Variants in SLC30A10 observed in about 807,000 individuals in gnomAD.
SLC30A10 encodes the protein solute carrier family 30 member 10.
Under a neutral mutation model 21.7 loss-of-function variants are expected in SLC30A10, and 8 were observed. The observed-to-expected ratio is 0.37, with a 90% CI of 0.22 to 0.67. The LOEUF (loss-of-function observed/expected upper bound fraction) is 0.67. Ranked by LOEUF, SLC30A10 falls within the 30% of genes least tolerant of loss-of-function variation. SLC30A10 has a pLI of 0.58. For synonymous variants in SLC30A10, 272 were observed against 279.4 expected (o/e 0.97, Z 0.26); for missense variants, 521 against 642.5 (o/e 0.81, Z 2.04).
At chr1:219,922,810 G>A (rs1358620949) in intron 2 of SLC30A10, among the ~76,000 whole-genome samples, 1 of 152,138 alleles carries the variant, frequency 6.6e-6, no homozygotes, top group Non-Finnish European at 1.5e-5. Flanking sequence ...AACCACCCAT[G>A]TGATCCGCAC....
At chr1:219,916,242 A>T (rs994039899) in intron 3 of SLC30A10, among the ~76,000 whole-genome samples, 2 of 152,238 alleles carry the variant, frequency 1.3e-5, no homozygotes, top group Admixed American at 1.3e-4. Context: ...AACTTCCCAT[A>T]GTAGGATAAA....
intron 1 of SLC30A10, among the ~76,000 whole-genome samples, chr1:219,938,386 C>T (rs1184971473): frequency 6.6e-6 from 1 of 152,208 alleles, no homozygotes. Flanking sequence ...CCTGACTTTT[C>T]CCAGAGGCAG....
At position 219,925,781 on chromosome 1, in the gene SLC30A10, G is replaced by T. The variant is rs951013394; in HGVS notation, c.718+1247C>A. 4.2e-5 allele frequency among the ~76,000 whole-genome samples: 6 copies of T among 144,358 alleles called. No homozygotes were observed. The Admixed American group carries it at 4.2e-4, about 10-fold the overall frequency. The allele number at this position is 144,358 out of a possible 152,430, so 94.7% of individuals were successfully genotyped here. A position where few individuals can be genotyped will look rare whatever the true frequency, so the allele number is the denominator to read the frequency against. On this transcript the variant is annotated intron_variant, in intron 2 of 3. Transcript: ENST00000366926. ...AGCAATTCTCCTGCCTCAGCCTCCC[G>T]AGTAGCTGGGATTACAGGCACCCAC... is the stretch of plus-strand genomic sequence containing the variant.
upstream of SLC30A10, among the ~76,000 whole-genome samples, chr1:219,959,042 C>A (rs1660388816): frequency 3.9e-5 from 6 of 152,168 alleles, no homozygotes; most frequent in Admixed American, 3.9e-4. Context: ...CCTGGCAGTT[C>A]CTCTCCCTTT....
chr1:219,948,078 A>G, intron 1 of SLC30A10, among the ~76,000 whole-genome samples: 1 of 151,582 alleles, frequency 6.6e-6, no homozygotes, highest in Non-Finnish European at 1.5e-5. Flanking sequence ...CTCTTCAAGG[A>G]GAACTACAAA....
intron 2 of SLC30A10, among the ~76,000 whole-genome samples, chr1:219,922,480 G>C (rs1659720844): frequency 6.6e-6 from 1 of 151,964 alleles, no homozygotes; most frequent in South Asian, 2.1e-4. Context: ...ATTTCAGACA[G>C]AAACACCTCA....
rs1281372296 is a variant in SLC30A10, at chr1:219,927,955, A to G, written c.486T>C (p.Cys162=). The G allele has an allele frequency of 6.5e-7, 1 of 1,544,450 alleles. No homozygotes were observed. Among genetic ancestry groups the G allele is most frequent in the Non-Finnish European group, 8.7e-7 (1 of 1,144,734 alleles). ...GAGGCCCCCCGAAAGCGCCGGGGAC[A>G]CAGCCCTCCGCCAGCTGCTGCCGCT... ...LQQRQQLAEG[C]VPGAFGGPQG... Residue 162 remains cysteine, a synonymous_variant, in exon 1 of 4, where the codon TGT becomes TGC. Transcript: ENST00000366926.
At chr1:219,954,002 G>A (rs1016784204) in intron 1 of SLC30A10, among the ~76,000 whole-genome samples, 5 of 151,862 alleles carry the variant, frequency 3.3e-5, no homozygotes, top group African/African-American at 7.3e-5. Flanking sequence ...CACCGCGCCC[G>A]GCCTCAAATT....
In SLC30A10 at chr1:219,918,551, T is replaced by TA; in HGVS notation, c.719-58_719-57insT. 2.0e-6 allele frequency: 3 copies of TA among 1,521,488 alleles called. No individual in the cohort carries two copies. The highest frequency in any genetic ancestry group is 1.3e-5 in the South Asian group (1 of 75,952). 94.2% of individuals were successfully genotyped at this position (1,521,488 alleles called of 1,614,324 possible). A position where few individuals can be genotyped will look rare whatever the true frequency, so the allele number is the denominator to read the frequency against. On this transcript the variant is annotated intron_variant, in intron 2 of 3. Coordinates refer to ENST00000366926, the MANE Select transcript of SLC30A10 (RefSeq NM_018713.3). The surrounding 1 kb of genome is among the most constrained non-coding windows in gnomAD (Gnocchi z 4.4). ...TGCAAATCTGGAAGCCACGTGACAC[T>TA]CACTGACTTGGGTGTCCGGGTATAT...
chr1:219,941,468 T>A (rs767263969), intron 1 of SLC30A10, among the ~76,000 whole-genome samples: 20 of 151,458 alleles, frequency 1.3e-4, no homozygotes, highest in Non-Finnish European at 2.8e-4. Context: ...GGAAATGGAA[T>A]TAAGGACCTT....
intron 1 of SLC30A10, among the ~76,000 whole-genome samples, chr1:219,949,567 T>G (rs1352369132): frequency 2.6e-5 from 4 of 151,822 alleles, no homozygotes; most frequent in Non-Finnish European, 4.4e-5. Flanking sequence ...TGAGAATACA[T>G]GGACACAGGA....
At chr1:219,929,554 G>C (rs1776025), upstream of SLC30A10, among the ~76,000 whole-genome samples, 9,094 of 150,560 alleles carry the variant, frequency 0.06, 909 homozygotes, top group African/African-American at 0.21. Flanking sequence ...GAGTTTCGTT[G>C]TTGTTGCCCA....
intron 2 of SLC30A10, among the ~76,000 whole-genome samples, chr1:219,925,653 T>TATATATATATA (rs1558253395): frequency 2.2e-3 from 101 of 46,086 alleles, no homozygotes; most frequent in South Asian, 8.3e-3. Context: ...ATATATATAT[T>TATATATATATA]TTTTTTTTTT....
rs192873229 is a variant in SLC30A10, at chr1:219,958,106, A to G, written n.80+462T>C. Among the ~76,000 whole-genome samples, 48 of 152,308 alleles carry G rather than the reference A, an allele frequency of 3.2e-4. No homozygotes were observed. The East Asian group carries it at 8.9e-3, about 28-fold the overall frequency. On this transcript the variant is annotated intron_variant and non_coding_transcript_variant, in intron 1 of 8. Coordinates refer to the SLC30A10 transcript ENST00000484239. ...TAATCAGCGTACCTGATTGTCTGAT[A>G]CTGTGCTCTTTGTAAGTTGGTTATG...
Position 219,915,448 on chromosome 1 carries a change from AT to A in SLC30A10, c.1458del (p.Ter486TyrfsTer6). 6.2e-7 allele frequency: 1 copy of A among 1,612,148 alleles called. No homozygotes were observed. Among genetic ancestry groups the A allele is most frequent in the Non-Finnish European group, 8.5e-7 (1 of 1,178,964 alleles). ...DQCYVNRTHF[*>X] is the part of the protein sequence containing the mutation. ...TATGGTCTGATTATGTGAGTACCAG[AT>A]TAAAAATGCGTTCTGTTGACATAAC... On this transcript the variant is annotated frameshift_variant and stop_lost, in exon 4 of 4. Coordinates refer to ENST00000366926, the MANE Select transcript of SLC30A10 (RefSeq NM_018713.3). LOFTEE classifies it high-confidence loss of function.
At chr1:219,940,148 G>T (rs1396999914) in intron 1 of SLC30A10, among the ~76,000 whole-genome samples, 1 of 152,158 alleles carries the variant, frequency 6.6e-6, no homozygotes, top group Non-Finnish European at 1.5e-5. Context: ...AGGCAATGGA[G>T]CTTCTACCTT....
chr1:219,928,529 C>T lies in SLC30A10; in HGVS notation c.-89G>A. 3.2e-6 allele frequency: 4 copies of T among 1,232,970 alleles called. No homozygotes were observed. Among genetic ancestry groups the T allele is most frequent in the Non-Finnish European group, 4.2e-6 (4 of 944,734 alleles). The allele number at this position is 1,232,970 out of a possible 1,614,324, so 76.4% of individuals were successfully genotyped here. On this transcript the variant is annotated 5_prime_UTR_variant, in exon 1 of 4. Coordinates refer to ENST00000366926, the MANE Select transcript of SLC30A10 (RefSeq NM_018713.3). The surrounding 1 kb of genome is among the most constrained non-coding windows in gnomAD (Gnocchi z 6.3). Reference sequence around the variant, plus strand: ...ACAGGTGGGGGGCGCGGCGCGGATCCGTGAGGCCCGGTACCCGCCTCCCAG... The same window carrying T: ...ACAGGTGGGGGGCGCGGCGCGGATCTGTGAGGCCCGGTACCCGCCTCCCAG...
intron 1 of SLC30A10, among the ~76,000 whole-genome samples, chr1:219,945,595 A>G (rs980380716): frequency 3.9e-5 from 6 of 152,210 alleles, no homozygotes; most frequent in African/African-American, 1.2e-4. Context: ...AACATGGAGG[A>G]CAGAATAAGA....
rs114645663 is a variant in SLC30A10, at chr1:219,936,873, G to A, written n.81-9768C>T. ...GTTTCCAAAACACTTACATTCTATT[G>A]TGTACCTGTAATTCTGAAAGTGGCT... On this transcript the variant is annotated intron_variant and non_coding_transcript_variant, in intron 1 of 8. Coordinates refer to the SLC30A10 transcript ENST00000484239. Among the ~76,000 whole-genome samples the A allele has an allele frequency of 7.8e-3, 1,180 of 152,216 alleles. 10 individuals carry two copies. Among genetic ancestry groups the A allele is most frequent in the African/African-American group, 0.028 (1,148 of 41,530 alleles).
Sources: allele counts gnomAD v4.1 joint callset (sites outside exome capture counted in the v4.1 genomes callset), GRCh38; gene constraint gnomAD v4.1.1; non-coding constraint Gnocchi (gnomAD v3.1); transcripts MANE v1.5; gene names NCBI Gene and HGNC (gene_info 2026-07-23, HGNC 2026-07-21).